The following PPP2R2C variants were observed in gnomAD, a reference collection of about 807,000 sequenced individuals.
The protein encoded by PPP2R2C is protein phosphatase 2, regulatory subunit B, gamma.
PPP2R2C carries 10 observed loss-of-function variants against 45.3 expected under a neutral mutation model. The ratio of observed to expected loss-of-function variants is 0.22; its 90% CI spans 0.14 to 0.37. The LOEUF is 0.37. Among genes scored for constraint, PPP2R2C ranks in the 10% least tolerant of loss-of-function variants. PPP2R2C has a pLI of 1.00. For missense variants in PPP2R2C, 308 were observed against 619.7 expected, an observed-to-expected ratio of 0.50 and a Z score of 5.34; for synonymous variants, 257 against 245.4, an observed-to-expected ratio of 1.05 and a Z score of -0.44.
chr4:6,539,552 A>C (rs995032409), intron 1 of PPP2R2C, among the ~76,000 whole-genome samples: 1 of 152,190 alleles, frequency 6.6e-6, no homozygotes, highest in South Asian at 2.1e-4. Context: ...AACATCACAG[A>C]GGACGATTCC....
chr4:6,433,599 C>G (rs1010683071), intron 1 of PPP2R2C, among the ~76,000 whole-genome samples: 3 of 152,194 alleles, frequency 2.0e-5, no homozygotes, highest in Non-Finnish European at 4.4e-5. Context: ...AGTCATCCCC[C>G]CCATTGGGCC....
intron 1 of PPP2R2C, among the ~76,000 whole-genome samples, chr4:6,539,811 C>A (rs1301960086): frequency 6.6e-6 from 1 of 152,160 alleles, no homozygotes; most frequent in African/African-American, 2.4e-5. Flanking sequence ...ACAGGAGTCT[C>A]CCCATACGAC....
intron 1 of PPP2R2C, among the ~76,000 whole-genome samples, chr4:6,430,983 G>T (rs1560542705): frequency 6.6e-6 from 1 of 152,114 alleles, no homozygotes; most frequent in African/African-American, 2.4e-5. Context: ...CTGTTTGTTG[G>T]AAGATGTTTA....
chr4:6,469,314 C>A (rs1316766432), intron 1 of PPP2R2C, among the ~76,000 whole-genome samples: 4 of 152,058 alleles, frequency 2.6e-5, no homozygotes, highest in South Asian at 2.1e-4. Flanking sequence ...ACAGCCATTG[C>A]AAACGCCCTG....
intron 1 of PPP2R2C, among the ~76,000 whole-genome samples, chr4:6,560,162 G>C (rs1321159649): frequency 2.6e-5 from 4 of 152,186 alleles, no homozygotes; most frequent in Non-Finnish European, 2.9e-5. Flanking sequence ...CCAGGGCAGG[G>C]AGCAGCCCCA....
chr4:6,389,245 C>T (rs142236275), intron 1 of PPP2R2C, among the ~76,000 whole-genome samples: 2 of 152,198 alleles, frequency 1.3e-5, no homozygotes, highest in African/African-American at 4.8e-5. Context: ...GAAACTCTGG[C>T]CGAGGCCTGC....
chr4:6,345,980 T>TG lies in PPP2R2C; in HGVS notation c.790+1865dup, dbSNP rs933803034. On this transcript the variant is annotated intron_variant, in intron 6 of 8. Transcript: ENST00000382599. This position sits in a 1 kb window ranked among gnomAD's most constrained non-coding sequence, Gnocchi z 5.3. ...GCTCGCGGGTCTGAAACCTGCCTGC[T>TG]GGTCCCTGGCACCCCCTGTTGTTCC... Among the ~76,000 whole-genome samples the TG allele has an allele frequency of 4.6e-5, 7 of 152,288 alleles. No individual in the cohort carries two copies. The South Asian group carries it at 1.2e-3, about 27-fold the overall frequency.
intron 1 of PPP2R2C, among the ~76,000 whole-genome samples, chr4:6,411,880 A>C (rs539342519): frequency 6.6e-6 from 1 of 152,330 alleles, no homozygotes; most frequent in South Asian, 2.1e-4. Flanking sequence ...ACAGCCCACT[A>C]TCCCAGTGGC....
chr4:6,436,871 C>G (rs190353033), intron 1 of PPP2R2C, among the ~76,000 whole-genome samples: 1 of 144,878 alleles, frequency 6.9e-6, no homozygotes. Flanking sequence ...TTTACCAACC[C>G]TTATATAGAC....
In PPP2R2C at chr4:6,323,395, G is replaced by A. The variant is rs1371356396; in HGVS notation, c.1251C>T (p.His417=). 1.2e-6 allele frequency: 2 copies of A among 1,613,934 alleles called. No individual in the cohort carries two copies. The highest frequency in any genetic ancestry group is 1.7e-6 in the Non-Finnish European group (2 of 1,179,922). ...TGTTCTCAGCCGGGTGCCAGGCCGT[G>A]TGCAGGATCTTCTTGGTGAAGTCCA... ...DSLDFTKKIL[H]TAWHPAENII... is the part of the protein sequence containing the mutation. The change falls in exon 9 of 9, where the codon CAC becomes CAT. Residue 417 remains histidine (H), a synonymous_variant. Transcript: ENST00000382599.
At chr4:6,343,148 ATTGGAAAGCGGCTGCGTGC>A (rs1341174478) in intron 6 of PPP2R2C, among the ~76,000 whole-genome samples, 2 of 152,220 alleles carry the variant, frequency 1.3e-5, no homozygotes, top group African/African-American at 4.8e-5. Flanking sequence ...CCACCTGCTA[ATTGGAAAGCGGCTGCGTGC>A]TTGATTTCCC....
intron 8 of PPP2R2C, among the ~76,000 whole-genome samples, chr4:6,323,984 G>A (rs1201418591): frequency 6.6e-6 from 1 of 152,084 alleles, no homozygotes; most frequent in Non-Finnish European, 1.5e-5. Flanking sequence ...AGAGCCTACA[G>A]AGCCATCACT....
chr4:6,456,097 A>G (rs1560561237), intron 1 of PPP2R2C, among the ~76,000 whole-genome samples: 1 of 152,266 alleles, frequency 6.6e-6, no homozygotes, highest in Admixed American at 6.5e-5. Flanking sequence ...ATAAATAGTT[A>G]TTGAATGAAT....
At chr4:6,361,737 G>A (rs973597040) in intron 5 of PPP2R2C, among the ~76,000 whole-genome samples, 2 of 152,200 alleles carry the variant, frequency 1.3e-5, no homozygotes, top group African/African-American at 4.8e-5. Flanking sequence ...AGAACTGAGA[G>A]GGGGAATCCA....
intron 4 of PPP2R2C, among the ~76,000 whole-genome samples, chr4:6,375,414 G>A (rs960117589): frequency 2.0e-5 from 3 of 152,062 alleles, no homozygotes; most frequent in African/African-American, 7.3e-5. Flanking sequence ...AAGGACTCAG[G>A]AGCCACAAAG....
At chr4:6,432,077 G>C (rs1719653758) in intron 1 of PPP2R2C, among the ~76,000 whole-genome samples, 2 of 152,248 alleles carry the variant, frequency 1.3e-5, no homozygotes, top group African/African-American at 4.8e-5. Context: ...ATCACCTTAA[G>C]GCTTAATTTC....
intron 5 of PPP2R2C, among the ~76,000 whole-genome samples, chr4:6,366,649 C>G (rs1714334869): frequency 6.6e-6 from 1 of 152,162 alleles, no homozygotes; most frequent in South Asian, 2.1e-4. Flanking sequence ...AGAGGCTGTC[C>G]CAGATAATGG....
intron 1 of PPP2R2C, among the ~76,000 whole-genome samples, chr4:6,442,397 C>A (rs896384776): frequency 1.3e-5 from 2 of 152,250 alleles, no homozygotes; most frequent in Non-Finnish European, 2.9e-5. Flanking sequence ...GTGGAACCCA[C>A]ACAGAGAAGG....
intron 5 of PPP2R2C, among the ~76,000 whole-genome samples, chr4:6,357,174 C>T (rs114294176): frequency 0.014 from 2,135 of 151,784 alleles, 31 homozygotes; most frequent in African/African-American, 0.047. Flanking sequence ...GACTCTGTGT[C>T]ATCTGAGGCT....
Sources: allele counts gnomAD v4.1 joint callset (sites outside exome capture counted in the v4.1 genomes callset), GRCh38; gene constraint gnomAD v4.1.1; non-coding constraint Gnocchi (gnomAD v3.1); transcripts MANE v1.5; gene names NCBI Gene and HGNC (gene_info 2026-07-23, HGNC 2026-07-21).